Variants in DCHS2 observed in about 807,000 individuals in gnomAD.
DCHS2 encodes the protein dachsous cadherin-related 2, also known as protocadherin-23.
Under a neutral mutation model 182.4 loss-of-function variants are expected in DCHS2, and 142 were observed. The ratio of observed to expected loss-of-function variants is 0.78; its 90% CI spans 0.68 to 0.89. The LOEUF is 0.89. Ranked by LOEUF, DCHS2 falls within the 40% of genes least tolerant of loss-of-function variation. The probability of loss-of-function intolerance (pLI) is 0.00; values close to 1 mark genes in which losing one functional copy is unlikely to be tolerated. For missense variants in DCHS2, 4,319 were observed against 4,198.6 expected, an observed-to-expected ratio of 1.03 and a Z score of -0.79; for synonymous variants, 1,740 against 1,663.3, an observed-to-expected ratio of 1.05 and a Z score of -1.12.
At chr4:154,306,901 C>T (rs1333041225) in intron 10 of DCHS2, among the ~76,000 whole-genome samples, 1 of 152,092 alleles carries the variant, frequency 6.6e-6, no homozygotes, top group East Asian at 1.9e-4. Context: ...ATGTGCTTCA[C>T]CACTCTACTC....
chr4:154,490,924 G>GT lies in DCHS2; in HGVS notation c.431_432insA (p.Thr145HisfsTer18). ...CCTGCACCACAGCGCCCAGCAGCGT[G>GT]GCGGCGACGAAGCTGTAGTGGTCCC... On this transcript the variant is annotated frameshift_variant, in exon 1 of 20. Coordinates refer to ENST00000357232, the MANE Select transcript of DCHS2 (RefSeq NM_001358235.2). LOFTEE classifies it high-confidence loss of function. The GT allele has an allele frequency of 6.4e-7, 1 of 1,551,182 alleles. No homozygotes were observed. Among genetic ancestry groups the GT allele is most frequent in the Non-Finnish European group, 8.7e-7 (1 of 1,146,884 alleles).
intron 1 of DCHS2, among the ~76,000 whole-genome samples, chr4:154,437,230 T>C (rs907842152): frequency 6.6e-5 from 10 of 152,206 alleles, no homozygotes; most frequent in African/African-American, 2.4e-4. Flanking sequence ...AATCAGAATC[T>C]GTACTTTAAG....
intron 3 of DCHS2, among the ~76,000 whole-genome samples, chr4:154,360,075 T>A (rs1730046867): frequency 6.6e-6 from 1 of 152,032 alleles, no homozygotes; most frequent in African/African-American, 2.4e-5. Context: ...TTTGAGTAAG[T>A]CACTAAGAAT....
rs2111098000 is a variant in DCHS2, at chr4:154,239,291, A to G, written c.7371T>C (p.Pro2457=). The change falls in exon 19 of 20, where the codon CCT becomes CCC. Residue 2457 remains proline, a synonymous_variant. Transcript: ENST00000357232. ...CTGAATACCCCACAGGTATTGATTC[A>G]GGAACTGTGACCTGAGGGAAAAAGA... The part of the protein sequence containing the change: ...FSQDFYQVTV[P]ESIPVGYSVL... The G allele has an allele frequency of 6.2e-7, 1 of 1,612,306 alleles. No homozygotes were observed. The highest frequency in any genetic ancestry group is 2.2e-5 in the East Asian group (1 of 44,752).
chr4:154,461,418 G>T (rs530956037), intron 1 of DCHS2, among the ~76,000 whole-genome samples: 1 of 151,790 alleles, frequency 6.6e-6, no homozygotes, highest in South Asian at 2.1e-4. Flanking sequence ...TTGTATCTCA[G>T]GACATATCAG....
intron 1 of DCHS2, among the ~76,000 whole-genome samples, chr4:154,441,741 T>C (rs558424821): frequency 6.6e-6 from 1 of 152,304 alleles, no homozygotes; most frequent in Non-Finnish European, 1.5e-5. Flanking sequence ...GGCTTTTTTT[T>C]TAACTTGAAA....
At chr4:154,378,853 A>C (rs938879390) in intron 1 of DCHS2, among the ~76,000 whole-genome samples, 1 of 152,208 alleles carries the variant, frequency 6.6e-6, no homozygotes, top group Admixed American at 6.5e-5. Flanking sequence ...CAGACCCCAA[A>C]TCTCCTGACC....
chr4:154,399,380 T>C lies in DCHS2; in HGVS notation c.2053-21936A>G, dbSNP rs1046301234. Among the ~76,000 whole-genome samples, 3 of 152,314 alleles carry C rather than the reference T, an allele frequency of 2.0e-5. No homozygotes were observed. The South Asian group carries it at 6.2e-4, about 32-fold the overall frequency. ...TCTGTTAAGAGTTAGAGACAGTTTA[T>C]GGAAATACATATTTTAAGTACTCTG... On this transcript the variant is annotated intron_variant, in intron 1 of 19. Coordinates refer to ENST00000357232, the MANE Select transcript of DCHS2 (RefSeq NM_001358235.2).
rs528556020 is a variant in DCHS2 at position 154,370,329 on chromosome 4, G to A, written c.2245-3888C>T. On this transcript the variant is annotated intron_variant, in intron 2 of 19. Transcript: ENST00000357232. ...AGCAGTCTTATAGAAGAGGTAGAGA[G>A]GGAAAAATAGATCAAATAAAGATTG... 2.6e-5 allele frequency among the ~76,000 whole-genome samples: 4 copies of A among 152,086 alleles called. No individual in the cohort carries two copies. The East Asian group carries it at 5.8e-4, about 22-fold the overall frequency.
chr4:154,362,626 C>T (rs1468070036), intron 3 of DCHS2, among the ~76,000 whole-genome samples: 4 of 151,950 alleles, frequency 2.6e-5, no homozygotes, highest in African/African-American at 9.7e-5. Flanking sequence ...TGCGTGAGTC[C>T]ACTTATACAC....
intron 1 of DCHS2, among the ~76,000 whole-genome samples, chr4:154,393,236 T>C (rs143014575): frequency 1.3e-5 from 2 of 152,260 alleles, no homozygotes; most frequent in African/African-American, 4.8e-5. Flanking sequence ...ACTCTAAACA[T>C]GCCACTAAAA....
At chr4:154,238,375 T>C (rs1731638711) in intron 19 of DCHS2, among the ~76,000 whole-genome samples, 1 of 152,168 alleles carries the variant, frequency 6.6e-6, no homozygotes, top group South Asian at 2.1e-4. Flanking sequence ...ACTTGTGAAA[T>C]GATGCAATGG....
chr4:154,335,888 C>T (rs1006218426), intron 3 of DCHS2, among the ~76,000 whole-genome samples: 12 of 152,168 alleles, frequency 7.9e-5, no homozygotes, highest in East Asian at 3.8e-4. Context: ...TTAGGGCTTA[C>T]CATATCACCA....
Position 154,333,424 on chromosome 4 carries a change from C to T in DCHS2, c.2784G>A (p.Arg928=), listed in dbSNP as rs1246401803. The T allele has an allele frequency of 6.2e-7, 1 of 1,613,984 alleles. No individual in the cohort carries two copies. The highest frequency in any genetic ancestry group is 8.5e-7 in the Non-Finnish European group (1 of 1,180,026). Residue 928 remains arginine, a synonymous_variant, in exon 5 of 20, where the codon CGG becomes CGA. Coordinates refer to ENST00000357232, the MANE Select transcript of DCHS2 (RefSeq NM_001358235.2). ...GCTTCCGGGTGCGAATAGTGCCCAGCCGCGGGTGAATGGAGAACTTTCCGC... is the reference window on the plus strand; with the variant it reads ...GCTTCCGGGTGCGAATAGTGCCCAGTCGCGGGTGAATGGAGAACTTTCCGC... ...DLGGKFSIHP[R]LGTIRTRKPL... is the part of the protein sequence containing the mutation.
Position 154,261,630 on chromosome 4 carries a change from C to T in DCHS2, c.6578-1874G>A, listed in dbSNP as rs149231668. ...GGGAGGCATATCCTGTTCAAATATT[C>T]TGTCTTTGTTATTGGGTGTTTTGGG... On this transcript the variant is annotated intron_variant, in intron 14 of 19. Transcript: ENST00000357232. 182 of 152,096 alleles carry T rather than the reference C, an allele frequency of 1.2e-3. 1 individual carries two copies. Among genetic ancestry groups the T allele is most frequent in the African/African-American group, 4.1e-3 (170 of 41,488 alleles). 9.4% of individuals were successfully genotyped at this position (152,096 alleles called of 1,614,324 possible). A position where few individuals can be genotyped will look rare whatever the true frequency, so the allele number is the denominator to read the frequency against.
chr4:154,444,077 G>A (rs1734152209), intron 1 of DCHS2, among the ~76,000 whole-genome samples: 1 of 152,008 alleles, frequency 6.6e-6, no homozygotes, highest in South Asian at 2.1e-4. Context: ...CTTCTGTTTT[G>A]GGATGGACTT....
At chr4:154,343,522 C>T in intron 3 of DCHS2, 1 of 1,514,958 alleles carries the variant, frequency 6.6e-7, no homozygotes, top group Non-Finnish European at 8.9e-7. Flanking sequence ...GCTTCTCCAT[C>T]AGCACTTGCT....
chr4:154,425,733 A>T (rs1733297913), intron 1 of DCHS2, among the ~76,000 whole-genome samples: 1 of 152,228 alleles, frequency 6.6e-6, no homozygotes, highest in African/African-American at 2.4e-5. Context: ...ACCATAACCA[A>T]TTTTTAAACA....
At chr4:154,484,723 C>G (rs2111043576) in intron 1 of DCHS2, among the ~76,000 whole-genome samples, 1 of 152,328 alleles carries the variant, frequency 6.6e-6, no homozygotes, top group African/African-American at 2.4e-5. Context: ...CACAGTTGCT[C>G]ACTTTTCATT....
Sources: allele counts gnomAD v4.1 joint callset (sites outside exome capture counted in the v4.1 genomes callset), GRCh38; gene constraint gnomAD v4.1.1; transcripts MANE v1.5; gene names NCBI Gene and HGNC (gene_info 2026-07-23, HGNC 2026-07-21).